RCAN1: variants seen among roughly 807,000 people sequenced by gnomAD.
The protein encoded by RCAN1 is regulator of calcineurin 1.
RCAN1 carries 11 observed loss-of-function variants against 22.9 expected under a neutral mutation model. The observed-to-expected ratio is 0.48, with a 90% CI of 0.30 to 0.79. The LOEUF (loss-of-function observed/expected upper bound fraction) is 0.79. Among genes scored for constraint, RCAN1 ranks in the 30% least tolerant of loss-of-function variants. The probability of loss-of-function intolerance (pLI) is 0.06; values close to 1 mark genes in which losing one functional copy is unlikely to be tolerated. For synonymous variants in RCAN1, 136 were observed against 142.3 expected (o/e 0.96, Z 0.32); for missense variants, 291 against 337.8 (o/e 0.86, Z 1.09).
chr21:34,524,303 T>C (rs1350560767), intron 1 of RCAN1: 1 of 152,678 alleles, frequency 6.5e-6, no homozygotes, highest in African/African-American at 2.4e-5. Context: ...TTTTAAAAAG[T>C]AGAATGAGCA....
chr21:34,578,399 T>C (rs1987485082), intron 1 of RCAN1, among the ~76,000 whole-genome samples: 1 of 152,176 alleles, frequency 6.6e-6, no homozygotes, highest in African/African-American at 2.4e-5. Context: ...TCTCCTGCTG[T>C]AAGCAGCCAT....
chr21:34,580,214 T>C (rs1458020784), intron 1 of RCAN1, among the ~76,000 whole-genome samples: 1 of 152,216 alleles, frequency 6.6e-6, no homozygotes, highest in Non-Finnish European at 1.5e-5. Flanking sequence ...AACCATCTTA[T>C]CTACCCCCGG....
At chr21:34,590,138 G>C (rs1987924483) in intron 1 of RCAN1, among the ~76,000 whole-genome samples, 1 of 152,294 alleles carries the variant, frequency 6.6e-6, no homozygotes, top group Non-Finnish European at 1.5e-5. Context: ...GACCTTACCA[G>C]AGAGGTCCAG....
At chr21:34,535,035 G>A (rs1985604993) in intron 1 of RCAN1, among the ~76,000 whole-genome samples, 1 of 152,220 alleles carries the variant, frequency 6.6e-6, no homozygotes. Context: ...TGTCTTTAGG[G>A]CATGTTTCAT....
chr21:34,542,237 G>A (rs2123626431), intron 1 of RCAN1, among the ~76,000 whole-genome samples: 1 of 152,290 alleles, frequency 6.6e-6, no homozygotes, highest in Admixed American at 6.5e-5. Context: ...ATTCCTGTTG[G>A]GAGAAGGAAT....
chr21:34,612,977 T>G (rs1302094074), intron 1 of RCAN1, among the ~76,000 whole-genome samples: 1 of 152,246 alleles, frequency 6.6e-6, no homozygotes, highest in Non-Finnish European at 1.5e-5. Flanking sequence ...AATGATCTTG[T>G]TCACTTGCCT....
chr21:34,542,923 G>C (rs1985980530), intron 1 of RCAN1, among the ~76,000 whole-genome samples: 1 of 152,192 alleles, frequency 6.6e-6, no homozygotes, highest in African/African-American at 2.4e-5. Context: ...TCTGGAGCCA[G>C]GCCACCTGGG....
intron 1 of RCAN1, among the ~76,000 whole-genome samples, chr21:34,599,634 ATG>A (rs139653457): frequency 0.025 from 3,850 of 152,282 alleles, 163 homozygotes; most frequent in African/African-American, 0.088. Flanking sequence ...ATGTTTATAC[ATG>A]TGTGTGAAAG....
At chr21:34,569,073 C>T (rs1215611620) in intron 1 of RCAN1, among the ~76,000 whole-genome samples, 1 of 152,224 alleles carries the variant, frequency 6.6e-6, no homozygotes, top group Non-Finnish European at 1.5e-5. Flanking sequence ...TTCAAATGAT[C>T]TCCCACCAGG....
At chr21:34,524,403 C>CTATA (rs900000284) in intron 1 of RCAN1, 1 of 151,256 alleles carries the variant, frequency 6.6e-6, no homozygotes, top group African/African-American at 2.5e-5. Flanking sequence ...TTTCTCTGTC[C>CTATA]TATAGCCTTC....
chr21:34,608,864 T>C (rs1988610979), intron 1 of RCAN1, among the ~76,000 whole-genome samples: 3 of 152,110 alleles, frequency 2.0e-5, no homozygotes, highest in Admixed American at 2.0e-4. Context: ...GTAGGATAAA[T>C]AGCTTCCCAG....
At chr21:34,605,939 A>C (rs1476490132) in intron 1 of RCAN1, among the ~76,000 whole-genome samples, 1 of 149,668 alleles carries the variant, frequency 6.7e-6, no homozygotes, top group Non-Finnish European at 1.5e-5. Context: ...AAAAAAAAAA[A>C]AGATGATGAG....
At chr21:34,577,126 G>A (rs1282341965) in intron 1 of RCAN1, among the ~76,000 whole-genome samples, 1 of 152,218 alleles carries the variant, frequency 6.6e-6, no homozygotes, top group African/African-American at 2.4e-5. Context: ...AGGTAGTTGA[G>A]CACCACTGCA....
chr21:34,562,515 C>T (rs1388596489), intron 1 of RCAN1, among the ~76,000 whole-genome samples: 1 of 152,198 alleles, frequency 6.6e-6, no homozygotes, highest in Non-Finnish European at 1.5e-5. Flanking sequence ...ACCTCAGTCC[C>T]TCTTCCCAAG....
chr21:34,552,054 TC>T (rs1986388849), intron 1 of RCAN1, among the ~76,000 whole-genome samples: 1 of 152,118 alleles, frequency 6.6e-6, no homozygotes, highest in African/African-American at 2.4e-5. Context: ...TTCCTCTCCA[TC>T]CTAGGGTGTT....
rs115205090 is a variant in RCAN1, at chr21:34,596,293, C to T, written c.252+18467G>A. On this transcript the variant is annotated intron_variant, in intron 1 of 3. Coordinates refer to ENST00000313806, the MANE Select transcript of RCAN1 (RefSeq NM_004414.7). ...GGCCTTCCTGCCCTCCAGAAAAAGC[C>T]GAGAGTCTCTGTAGCGTGGTTCCCT... Among the ~76,000 whole-genome samples the T allele has an allele frequency of 3.8e-3, 581 of 152,270 alleles. 4 individuals carry two copies. The highest frequency in any genetic ancestry group is 0.013 in the African/African-American group (540 of 41,554).
At chr21:34,532,391 G>C (rs1412892869) in intron 1 of RCAN1, among the ~76,000 whole-genome samples, 6 of 152,182 alleles carry the variant, frequency 3.9e-5, no homozygotes, top group African/African-American at 9.7e-5. Flanking sequence ...CCTTGTCCAA[G>C]GTTTGTTAAG....
chr21:34,543,662 A>C (rs2123629724), intron 1 of RCAN1, among the ~76,000 whole-genome samples: 1 of 152,376 alleles, frequency 6.6e-6, no homozygotes, highest in South Asian at 2.1e-4. Context: ...TAGAATGTTC[A>C]AAGGAAGTTG....
intron 1 of RCAN1, among the ~76,000 whole-genome samples, chr21:34,581,043 C>T (rs909088701): frequency 3.3e-5 from 5 of 152,096 alleles, no homozygotes; most frequent in African/African-American, 4.8e-5. Flanking sequence ...AGTCACGAGT[C>T]GGGAGTTCTA....
Sources: gnomAD v4.1 joint callset for allele counts (sites outside exome capture counted in the v4.1 genomes callset) on GRCh38, gnomAD v4.1.1 for gene constraint, MANE v1.5 for transcripts, NCBI Gene and HGNC (gene_info 2026-07-23, HGNC 2026-07-21) for gene names.